DZANK1: variants seen among roughly 807,000 people sequenced by gnomAD.
DZANK1 encodes the protein double zinc ribbon and ankyrin repeat-containing protein 1.
Under a neutral mutation model 94.5 loss-of-function variants are expected in DZANK1, and 91 were observed. The ratio of observed to expected loss-of-function variants is 0.96; its 90% CI spans 0.81 to 1.15. DZANK1 has a LOEUF of 1.15. Ranked by LOEUF, DZANK1 falls within the 50% of genes most tolerant of loss-of-function variation. DZANK1 has a pLI of 0.00. For synonymous variants in DZANK1, 312 were observed against 325.3 expected, an observed-to-expected ratio of 0.96 and a Z score of 0.44; for missense variants, 903 against 916.4, an observed-to-expected ratio of 0.99 and a Z score of 0.19.
At chr20:18,435,354 A>G (rs1166331824) in intron 8 of DZANK1, among the ~76,000 whole-genome samples, 4 of 152,224 alleles carry the variant, frequency 2.6e-5, no homozygotes, top group African/African-American at 9.6e-5. Context: ...CCAAATGCCC[A>G]TCAATGATAG....
At chr20:18,414,080 G>T (rs987650910) in intron 12 of DZANK1, among the ~76,000 whole-genome samples, 18 of 152,154 alleles carry the variant, frequency 1.2e-4, no homozygotes, top group African/African-American at 3.9e-4. Flanking sequence ...GGAAGGAAAA[G>T]TTCTCAGAAT....
intron 5 of DZANK1, among the ~76,000 whole-genome samples, chr20:18,452,981 G>A (rs116826115): frequency 8.6e-4 from 131 of 152,314 alleles, no homozygotes; most frequent in Non-Finnish European, 1.5e-3. Flanking sequence ...TTCCACTTCA[G>A]GCTGGGAAAA....
chr20:18,435,984 C>T (rs1423795058), intron 8 of DZANK1, among the ~76,000 whole-genome samples: 2 of 152,120 alleles, frequency 1.3e-5, no homozygotes, highest in Non-Finnish European at 2.9e-5. Flanking sequence ...GAATATACTA[C>T]CTGACGCAGT....
chr20:18,400,238 C>T (rs1412056675), intron 13 of DZANK1, among the ~76,000 whole-genome samples: 3 of 151,950 alleles, frequency 2.0e-5, no homozygotes, highest in South Asian at 2.1e-4. Flanking sequence ...CAAATGATGG[C>T]GTATAAAGAG....
At chr20:18,390,420 C>T in exon 18 of DZANK1, 1 of 1,613,988 alleles carries the variant, frequency 6.2e-7, no homozygotes, top group Non-Finnish European at 8.5e-7. Context: ...CTTCCTTCCC[C>T]CGTGGGTCCG....
rs181865396 is a variant in DZANK1 at position 18,460,351 on chromosome 20, C to A, written c.110-45G>T. The A allele has an allele frequency of 2.6e-3, 3,607 of 1,400,462 alleles. 7 individuals are homozygous for A. Among genetic ancestry groups the A allele is most frequent in the Non-Finnish European group, 3.0e-3 (3,098 of 1,039,282 alleles). The allele number at this position is 1,400,462 out of a possible 1,614,324, so 86.8% of individuals were successfully genotyped here. On this transcript the variant is annotated intron_variant, in intron 2 of 20. Transcript: ENST00000262547. ...ATAACTATAATTAACACCAAAGTAG[C>A]AAGTCCCTGAATAATGCCTATAGGT...
intron 13 of DZANK1, among the ~76,000 whole-genome samples, chr20:18,407,254 A>T (rs1305293596): frequency 6.6e-6 from 1 of 152,250 alleles, no homozygotes; most frequent in Non-Finnish European, 1.5e-5. Context: ...CAGGTGGCTC[A>T]GCACACAAAG....
chr20:18,462,937 TAAA>T (rs61694583), intron 2 of DZANK1, among the ~76,000 whole-genome samples: 2,595 of 111,304 alleles, frequency 0.023, 31 homozygotes, highest in Non-Finnish European at 0.034. Flanking sequence ...GACTCGGTCT[TAAA>T]AAAAAAAAAA....
At chr20:18,446,087 GT>G (rs2058871194) in intron 7 of DZANK1, among the ~76,000 whole-genome samples, 1 of 151,056 alleles carries the variant, frequency 6.6e-6, no homozygotes, top group South Asian at 2.1e-4. Context: ...AAGAAAAAAA[GT>G]TTTTTAATTA....
At chr20:18,422,664 T>C (rs1427342200) in intron 10 of DZANK1, among the ~76,000 whole-genome samples, 1 of 152,138 alleles carries the variant, frequency 6.6e-6, no homozygotes, top group African/African-American at 2.4e-5. Context: ...GATATCTCAT[T>C]ATAAATACAT....
At chr20:18,463,344 C>T (rs2059537577) in intron 2 of DZANK1, among the ~76,000 whole-genome samples, 2 of 152,130 alleles carry the variant, frequency 1.3e-5, no homozygotes, top group Non-Finnish European at 2.9e-5. Context: ...GAACAATAGA[C>T]ACTGGGGACT....
intron 10 of DZANK1, among the ~76,000 whole-genome samples, chr20:18,418,236 A>G (rs941282714): frequency 2.0e-5 from 3 of 152,188 alleles, no homozygotes; most frequent in Non-Finnish European, 4.4e-5. Flanking sequence ...GGTAGTCTAC[A>G]TAGCGCATGT....
At chr20:18,426,533 A>T (rs1363175049) in intron 10 of DZANK1, among the ~76,000 whole-genome samples, 1 of 152,190 alleles carries the variant, frequency 6.6e-6, no homozygotes, top group East Asian at 1.9e-4. Context: ...CCTGGAAGTA[A>T]TTTTAATTTT....
chr20:18,417,717 T>C (rs1327355229), intron 10 of DZANK1, among the ~76,000 whole-genome samples: 1 of 152,114 alleles, frequency 6.6e-6, no homozygotes, highest in Admixed American at 6.5e-5. Flanking sequence ...TAAAAAAAAC[T>C]ACAGATTTTT....
At chr20:18,422,580 A>G (rs989911905) in intron 10 of DZANK1, among the ~76,000 whole-genome samples, 6 of 152,188 alleles carry the variant, frequency 3.9e-5, no homozygotes, top group African/African-American at 1.2e-4. Context: ...ATATAAAATT[A>G]CCTTCAGGCC....
intron 8 of DZANK1, among the ~76,000 whole-genome samples, chr20:18,440,763 G>C (rs571664233): frequency 6.6e-6 from 1 of 152,246 alleles, no homozygotes; most frequent in South Asian, 2.1e-4. Flanking sequence ...TACATCCATT[G>C]GGCAGGAGGC....
intron 10 of DZANK1, among the ~76,000 whole-genome samples, chr20:18,416,136 G>A (rs1207544091): frequency 6.6e-6 from 1 of 152,196 alleles, no homozygotes; most frequent in Non-Finnish European, 1.5e-5. Flanking sequence ...GGTGGGTGCT[G>A]TCATTGTCCC....
At chr20:18,394,474 G>T in intron 15 of DZANK1, 124 bp from the exon 16 acceptor site, 1 of 944,158 alleles carries the variant, frequency 1.1e-6, no homozygotes, top group Non-Finnish European at 1.6e-6. Flanking sequence ...AGAGAGTGGA[G>T]CCTGAGACCT....
intron 17 of DZANK1, among the ~76,000 whole-genome samples, chr20:18,391,441 G>T (rs748631184): frequency 6.6e-6 from 1 of 152,104 alleles, no homozygotes; most frequent in Non-Finnish European, 1.5e-5. Flanking sequence ...CACCATGTTA[G>T]CCAGGATGGT....
Sources: allele counts gnomAD v4.1 joint callset (sites outside exome capture counted in the v4.1 genomes callset), GRCh38; gene constraint gnomAD v4.1.1; transcripts MANE v1.5; gene names NCBI Gene and HGNC (gene_info 2026-07-23, HGNC 2026-07-21).